The following LAPTM5 variants were observed in gnomAD, a reference collection of about 807,000 sequenced individuals.
The protein encoded by LAPTM5 is lysosomal-associated transmembrane protein 5.
A neutral mutation model predicts 30.1 loss-of-function variants in LAPTM5; 11 were observed. The observed-to-expected ratio is 0.37, with a 90% CI of 0.23 to 0.60. The LOEUF (loss-of-function observed/expected upper bound fraction) is 0.60. Ranked by LOEUF, LAPTM5 falls within the 20% of genes least tolerant of loss-of-function variation. LAPTM5 has a pLI of 0.71. For missense variants in LAPTM5, 324 were observed against 332.5 expected, an observed-to-expected ratio of 0.97 and a Z score of 0.20; for synonymous variants, 151 against 137.9, an observed-to-expected ratio of 1.10 and a Z score of -0.67.
intron 3 of LAPTM5, 66 bp downstream of exon 3, chr1:30,741,574 T>C: frequency 1.6e-6 from 2 of 1,289,632 alleles, no homozygotes; most frequent in Admixed American, 2.4e-5. Flanking sequence ...CACCCAGCAC[T>C]GCCCACCACC....
chr1:30,739,202 G>C lies in LAPTM5; in HGVS notation c.388-140C>G. On this transcript the variant is annotated intron_variant, in intron 4 of 7. Transcript: ENST00000294507. This position sits in a 1 kb window ranked among gnomAD's most constrained non-coding sequence, Gnocchi z 4.2. ...GACTCTCGTCCCCTGTGCACAGAGA[G>C]ACATGAACACACAGATGTTCATACC... The C allele has an allele frequency of 3.6e-6, 4 of 1,095,960 alleles. No homozygotes were observed. The highest frequency in any genetic ancestry group is 5.1e-6 in the Non-Finnish European group (4 of 781,168). The allele number at this position is 1,095,960 out of a possible 1,614,324, so 67.9% of individuals were successfully genotyped here.
At chr1:30,756,999 G>A (rs779371071) in intron 1 of LAPTM5, among the ~76,000 whole-genome samples, 18 of 152,346 alleles carry the variant, frequency 1.2e-4, no homozygotes, top group South Asian at 4.1e-4. Context: ...AGTGACAGCC[G>A]TGACTTCACA....
At chr1:30,741,505 G>T in intron 3 of LAPTM5, 135 bp downstream of exon 3, 1 of 505,178 alleles carries the variant, frequency 2.0e-6, no homozygotes, top group Non-Finnish European at 3.5e-6. Context: ...AAAGGTATGT[G>T]TGAAGATCTC....
Position 30,739,711 on chromosome 1 carries a change from C to T in LAPTM5, c.387+98G>A. On this transcript the variant is annotated intron_variant, in intron 4 of 7. Transcript: ENST00000294507. The surrounding 1 kb of genome is among the most constrained non-coding windows in gnomAD (Gnocchi z 4.2). The stretch of plus-strand genomic sequence containing the variant: ...CAGCCAGGAAGAGGGCTCCTACCCT[C>T]CCCAGCCTGAGCACAGGGCCCGTGT... The T allele has an allele frequency of 1.4e-6, 2 of 1,396,376 alleles. No individual in the cohort carries two copies. The highest frequency in any genetic ancestry group is 1.9e-6 in the Non-Finnish European group (2 of 1,052,244). The allele number at this position is 1,396,376 out of a possible 1,614,324, so 86.5% of individuals were successfully genotyped here. A position where few individuals can be genotyped will look rare whatever the true frequency, so the allele number is the denominator to read the frequency against.
intron 1 of LAPTM5, among the ~76,000 whole-genome samples, chr1:30,751,249 A>G (rs1489020517): frequency 6.6e-6 from 1 of 152,172 alleles, no homozygotes; most frequent in African/African-American, 2.4e-5. Context: ...GAGGGGCTAC[A>G]ACTCCCACCC....
intron 1 of LAPTM5, 124 bp from the exon 2 acceptor site, chr1:30,742,673 A>G: frequency 1.4e-6 from 1 of 709,752 alleles, no homozygotes; most frequent in Non-Finnish European, 2.5e-6. Flanking sequence ...ATGGCATGCC[A>G]GGTCAGTAGG....
At chr1:30,735,579 C>A (rs767204897) in intron 6 of LAPTM5, among the ~76,000 whole-genome samples, 1 of 152,240 alleles carries the variant, frequency 6.6e-6, no homozygotes, top group Non-Finnish European at 1.5e-5. Context: ...AAGCTCACTA[C>A]CTCCTGAGAC....
intron 7 of LAPTM5, 75 bp downstream of exon 7, chr1:30,735,098 A>T: frequency 1.0e-6 from 1 of 983,666 alleles, no homozygotes; most frequent in Non-Finnish European, 1.6e-6. Context: ...CAAGGTCCAG[A>T]GAGGGAAGGA....
chr1:30,754,233 T>C (rs1285559013), intron 1 of LAPTM5, among the ~76,000 whole-genome samples: 1 of 151,996 alleles, frequency 6.6e-6, no homozygotes, highest in Non-Finnish European at 1.5e-5. Context: ...AGAGACCCAA[T>C]TTAAGAAATT....
At chr1:30,743,833 C>A (rs1363869403) in intron 1 of LAPTM5, among the ~76,000 whole-genome samples, 1 of 123,114 alleles carries the variant, frequency 8.1e-6, no homozygotes, top group African/African-American at 3.1e-5. Flanking sequence ...AGACACAGGT[C>A]TCAACTTGTC....
chr1:30,752,049 G>A (rs921659231), intron 1 of LAPTM5, among the ~76,000 whole-genome samples: 5 of 152,200 alleles, frequency 3.3e-5, no homozygotes, highest in Non-Finnish European at 5.9e-5. Context: ...GAGCTTCCTG[G>A]AGGAGGAAGC....
intron 1 of LAPTM5, among the ~76,000 whole-genome samples, chr1:30,745,193 G>A (rs757838842): frequency 9.9e-5 from 15 of 152,174 alleles, no homozygotes; most frequent in Admixed American, 2.0e-4. Flanking sequence ...CCAGAAAAGG[G>A]ACTATTCTTA....
intron 3 of LAPTM5, 94 bp downstream of exon 3, chr1:30,741,546 C>T (rs907499652): frequency 2.4e-5 from 20 of 842,800 alleles, no homozygotes; most frequent in Middle Eastern, 2.8e-4. Context: ...CTAACATACC[C>T]GCCTCCCACC....
chr1:30,739,196 C>T lies in LAPTM5; in HGVS notation c.388-134G>A. The T allele has an allele frequency of 8.6e-7, 1 of 1,160,244 alleles. No homozygotes were observed. The highest frequency in any genetic ancestry group is 1.2e-6 in the Non-Finnish European group (1 of 834,658). 71.9% of individuals were successfully genotyped at this position (1,160,244 alleles called of 1,614,324 possible). A position where few individuals can be genotyped will look rare whatever the true frequency, so the allele number is the denominator to read the frequency against. ...ATCAGTGACTCTCGTCCCCTGTGCA[C>T]AGAGAGACATGAACACACAGATGTT... On this transcript the variant is annotated intron_variant, in intron 4 of 7. Coordinates refer to ENST00000294507, the MANE Select transcript of LAPTM5 (RefSeq NM_006762.3). This position sits in a 1 kb window ranked among gnomAD's most constrained non-coding sequence, Gnocchi z 4.2.
At chr1:30,740,556 T>C (rs1362474897) in intron 3 of LAPTM5, among the ~76,000 whole-genome samples, 1 of 151,980 alleles carries the variant, frequency 6.6e-6, no homozygotes, top group Non-Finnish European at 1.5e-5. Context: ...ATGACCAGTA[T>C]TCATTCATAT....
rs905022762 is a variant in LAPTM5 at position 30,737,002 on chromosome 1, CT to C, written c.606+601del. ...GTTGGGTTTTGTGGGGGTTTTTTGACTTCCTAAGATGGCAGCGTTTTCTTGT... is the reference window on the plus strand; with the variant it reads ...GTTGGGTTTTGTGGGGGTTTTTTGACTCCTAAGATGGCAGCGTTTTCTTGT... On this transcript the variant is annotated intron_variant, in intron 6 of 7. Transcript: ENST00000294507. Among the ~76,000 whole-genome samples the C allele has an allele frequency of 1.1e-4, 16 of 152,180 alleles. 1 individual carries two copies. The highest frequency in any genetic ancestry group is 3.9e-4 in the African/African-American group (16 of 41,506).
chr1:30,738,679 T>C (rs972166501), intron 5 of LAPTM5, among the ~76,000 whole-genome samples: 6 of 152,230 alleles, frequency 3.9e-5, no homozygotes, highest in African/African-American at 1.4e-4. Context: ...CAAAGCCCTC[T>C]CTGGGATCAT....
At chr1:30,750,424 CTGAGTATTTTCAA>C (rs1214205248) in intron 1 of LAPTM5, among the ~76,000 whole-genome samples, 2 of 152,318 alleles carry the variant, frequency 1.3e-5, no homozygotes, top group Admixed American at 1.3e-4. Flanking sequence ...GGCTCTGCAT[CTGAGTATTTTCAA>C]TCTGCAATCC....
chr1:30,751,930 T>A (rs1019017348), intron 1 of LAPTM5, among the ~76,000 whole-genome samples: 1 of 152,210 alleles, frequency 6.6e-6, no homozygotes, highest in African/African-American at 2.4e-5. Flanking sequence ...CAAGTCACAC[T>A]GCTGGTAAGT....
Sources: gnomAD v4.1 joint callset for allele counts (sites outside exome capture counted in the v4.1 genomes callset) on GRCh38, gnomAD v4.1.1 for gene constraint, Gnocchi (gnomAD v3.1) non-coding constraint, MANE v1.5 for transcripts, NCBI Gene and HGNC (gene_info 2026-07-23, HGNC 2026-07-21) for gene names.